DDX25: variants seen among roughly 807,000 people sequenced by gnomAD.
DDX25 encodes ATP-dependent RNA helicase DDX25.
A neutral mutation model predicts 64.6 loss-of-function variants in DDX25; 70 were observed. The ratio of observed to expected loss-of-function variants is 1.08; its 90% CI spans 0.89 to 1.32. The LOEUF is 1.32. Ranked by LOEUF, DDX25 falls within the 40% of genes most tolerant of loss-of-function variation. The pLI is 0.00. For synonymous variants in DDX25, 211 were observed against 213.3 expected (o/e 0.99, Z 0.09); for missense variants, 587 against 604.4 (o/e 0.97, Z 0.30).
rs960286700 is a variant in DDX25 at position 125,905,221 on chromosome 11, C to A, written c.73C>A (p.Leu25Ile). 2 of 1,551,612 alleles carry A rather than the reference C, an allele frequency of 1.3e-6. No homozygotes were observed. The highest frequency in any genetic ancestry group is 2.0e-5 in the Admixed American group (1 of 50,990). The change falls in exon 2 of 12, where the codon CTC becomes ATC. Residue 25 changes from leucine to isoleucine, a missense_variant. By Grantham distance (5) the Leu-to-Ile change is conservative (BLOSUM62 2). Coordinates refer to ENST00000263576, the MANE Select transcript of DDX25 (RefSeq NM_013264.5). ...SERLNSHFSNLSQPRKNLWGI... is the reference protein window; with the variant it reads ...SERLNSHFSNISQPRKNLWGI... The stretch of plus-strand genomic sequence containing the variant: ...TTGTGTCTCTCAATAGTTTTCAAAC[C>A]TCAGCCAACCCCGGAAGAACCTTTG...
intron 8 of DDX25, among the ~76,000 whole-genome samples, chr11:125,916,284 A>G (rs925336685): frequency 6.6e-6 from 1 of 152,232 alleles, no homozygotes; most frequent in Non-Finnish European, 1.5e-5. Context: ...TAAGTGTACC[A>G]TTGAGTGATT....
upstream of DDX25, among the ~76,000 whole-genome samples, chr11:125,903,863 G>A (rs1944834722): frequency 6.6e-6 from 1 of 152,180 alleles, no homozygotes; most frequent in African/African-American, 2.4e-5. Context: ...CATGTAGGAC[G>A]TAGAGGTTAT....
At chr11:125,903,502 A>C (rs1944829545), upstream of DDX25, 1 of 152,180 alleles carries the variant, frequency 6.6e-6, no homozygotes, top group South Asian at 2.1e-4. Context: ...TTTTATACCT[A>C]GTTAAATGAG....
At chr11:125,920,340 G>A (rs951053254) in intron 10 of DDX25, among the ~76,000 whole-genome samples, 2 of 152,070 alleles carry the variant, frequency 1.3e-5, no homozygotes, top group Non-Finnish European at 2.9e-5. Flanking sequence ...GGGAGGCTGA[G>A]ACAGGAGAAT....
At chr11:125,911,600 TA>T in intron 8 of DDX25, 112 bp downstream of exon 8, 1 of 1,115,136 alleles carries the variant, frequency 9.0e-7, no homozygotes, top group East Asian at 2.6e-5. Flanking sequence ...CCTTCACCTC[TA>T]AAATAAATTT....
chr11:125,905,921 T>C lies in DDX25; in HGVS notation c.176-153T>C, dbSNP rs986486669. On this transcript the variant is annotated intron_variant, in intron 3 of 11. Coordinates refer to ENST00000263576, the MANE Select transcript of DDX25 (RefSeq NM_013264.5). ...CTGAATCCTCATAAAGAACGAATCC[T>C]CAGTGCTATATCATTCTTTCTGGAA... The C allele has an allele frequency of 2.0e-5, 19 of 968,138 alleles. No individual in the cohort carries two copies. In the African/African-American group the frequency reaches 2.8e-4, roughly 14 times the overall value. 60.0% of individuals were successfully genotyped at this position (968,138 alleles called of 1,614,324 possible). A position where few individuals can be genotyped will look rare whatever the true frequency, so the allele number is the denominator to read the frequency against.
Position 125,910,206 on chromosome 11 carries a change from G to A in DDX25, c.508-158G>A, listed in dbSNP as rs529677368. On this transcript the variant is annotated intron_variant, in intron 6 of 11. Coordinates refer to ENST00000263576, the MANE Select transcript of DDX25 (RefSeq NM_013264.5). ...CATACTCAACATTCACCTCAAATCTGTCAACTATTAAACTGTATCCAATTA... is the reference window on the plus strand; with the variant it reads ...CATACTCAACATTCACCTCAAATCTATCAACTATTAAACTGTATCCAATTA... Among the ~76,000 whole-genome samples the A allele has an allele frequency of 9.3e-4, 142 of 152,150 alleles. No individual in the cohort carries two copies. The South Asian group carries it at 0.011, about 12-fold the overall frequency.
intron 4 of DDX25, among the ~76,000 whole-genome samples, chr11:125,907,563 G>A (rs1003661419): frequency 8.6e-5 from 13 of 151,856 alleles, no homozygotes; most frequent in Non-Finnish European, 1.8e-4. Flanking sequence ...AGCTGAGGTC[G>A]CGCCACTGCA....
chr11:125,913,377 A>G (rs1031106085), intron 8 of DDX25, among the ~76,000 whole-genome samples: 4 of 152,122 alleles, frequency 2.6e-5, no homozygotes, highest in African/African-American at 9.7e-5. Flanking sequence ...GAAAAACAAT[A>G]TAAAAGAGAT....
chr11:125,918,866 C>A, intron 10 of DDX25, 76 bp downstream of exon 10: 1 of 1,438,834 alleles, frequency 7.0e-7, no homozygotes, highest in Non-Finnish European at 9.3e-7. Context: ...TACAGTTTCG[C>A]GAGTTTCGAC....
Position 125,917,877 on chromosome 11 carries a change from G to T in DDX25, c.1038+626G>T, listed in dbSNP as rs1027370219. Among the ~76,000 whole-genome samples, 135 of 152,024 alleles carry T rather than the reference G, an allele frequency of 8.9e-4. 1 individual carries two copies. Among genetic ancestry groups the T allele is most frequent in the African/African-American group, 3.1e-3 (129 of 41,506 alleles). On this transcript the variant is annotated intron_variant, in intron 9 of 11. Coordinates refer to ENST00000263576, the MANE Select transcript of DDX25 (RefSeq NM_013264.5). ...TTTGTCTGTTTTTAATTTTTAATTT[G>T]TTTTATTTTTTATTTTTTTGTGACA...
Position 125,924,010 on chromosome 11 carries a change from G to C in DDX25, c.*1129G>C, listed in dbSNP as rs1301443047. ...TGGCTGGGCACAGTGGCTCACACCT[G>C]TAATCCTAGCACTTTGGGAGGCCAA... On this transcript the variant is annotated 3_prime_UTR_variant, in exon 12 of 12. Transcript: ENST00000263576. 1 of 152,282 alleles carries C rather than the reference G, an allele frequency of 6.6e-6. No individual in the cohort carries two copies. Among genetic ancestry groups the C allele is most frequent in the South Asian group, 2.1e-4 (1 of 4,826 alleles). 9.4% of individuals were successfully genotyped at this position (152,282 alleles called of 1,614,324 possible).
chr11:125,907,422 C>T (rs1032349228), intron 4 of DDX25, among the ~76,000 whole-genome samples: 13 of 152,228 alleles, frequency 8.5e-5, no homozygotes, highest in South Asian at 4.2e-4. Flanking sequence ...TCCTGGCTAA[C>T]ACAGTGAAAC....
rs961972396 is a variant in DDX25 at position 125,924,091 on chromosome 11, C to G, written c.*1210C>G. The stretch of plus-strand genomic sequence containing the variant: ...ACCAGCCTTACCAACATGGTGAAAC[C>G]CCTTCTCTACTAAAAATATAAAAAT... On this transcript the variant is annotated 3_prime_UTR_variant, in exon 12 of 12. Coordinates refer to ENST00000263576, the MANE Select transcript of DDX25 (RefSeq NM_013264.5). The G allele has an allele frequency of 6.6e-6, 1 of 152,134 alleles. No homozygotes were observed. The highest frequency in any genetic ancestry group is 2.4e-5 in the African/African-American group (1 of 41,406). 9.4% of individuals were successfully genotyped at this position (152,134 alleles called of 1,614,324 possible).
At position 125,921,281 on chromosome 11, in the gene DDX25, G is replaced by A. The variant is rs200623378; in HGVS notation, c.1292G>A (p.Arg431His). 3.1e-6 allele frequency: 5 copies of A among 1,612,986 alleles called. No homozygotes were observed. The highest frequency in any genetic ancestry group is 3.4e-6 in the Non-Finnish European group (4 of 1,179,570). ...CCGGACTATGAGACCTACCTCCACC[G>A]CATAGGGCGGACGGGGCGCTTTGGG... ...EEPDYETYLH[R>H]IGRTGRFGKK... Residue 431 changes from arginine to histidine, a missense_variant, in exon 11 of 12, where the codon CGC (arginine) becomes CAC (histidine). Arg to His is a conservative substitution (Grantham distance 29). Transcript: ENST00000263576. The surrounding 1 kb of genome is among the most constrained non-coding windows in gnomAD (Gnocchi z 4.1).
Position 125,921,484 on chromosome 11 carries a change from C to A in DDX25, c.1390+105C>A. 1 of 1,314,306 alleles carries A rather than the reference C, an allele frequency of 7.6e-7. No homozygotes were observed. Among genetic ancestry groups the A allele is most frequent in the Admixed American group, 2.6e-5 (1 of 37,774 alleles). 81.4% of individuals were successfully genotyped at this position (1,314,306 alleles called of 1,614,324 possible). On this transcript the variant is annotated intron_variant, in intron 11 of 11. Coordinates refer to ENST00000263576, the MANE Select transcript of DDX25 (RefSeq NM_013264.5). This position sits in a 1 kb window ranked among gnomAD's most constrained non-coding sequence, Gnocchi z 4.1. ...CAGGGGCTCATGAGAGTAGTAGAAG[C>A]AGAATGCATGAGCTGGAAGGCTTCT...
chr11:125,916,884 AGCTGGT>A, intron 8 of DDX25, 124 bp from the exon 9 acceptor site: 1 of 825,930 alleles, frequency 1.2e-6, no homozygotes, highest in Non-Finnish European at 1.9e-6. Flanking sequence ...CTGGAGATAC[AGCTGGT>A]CATTGCAGGC....
intron 1 of DDX25, 29 bp from the exon 2 acceptor site, chr11:125,905,183 T>C (rs1316656491): frequency 2.6e-6 from 4 of 1,550,066 alleles, no homozygotes; most frequent in Non-Finnish European, 3.5e-6. Context: ...TGCATCCTAA[T>C]ATTGGTTGAA....
At chr11:125,910,169 C>T (rs1212213383) in intron 6 of DDX25, among the ~76,000 whole-genome samples, 195 bp from the exon 7 acceptor site, 1 of 152,074 alleles carries the variant, frequency 6.6e-6, no homozygotes, top group African/African-American at 2.4e-5. Flanking sequence ...TTCCTTGGCC[C>T]CTTCCCCTTC....
Sources: gnomAD v4.1 joint callset for allele counts (sites outside exome capture counted in the v4.1 genomes callset) on GRCh38, gnomAD v4.1.1 for gene constraint, Gnocchi (gnomAD v3.1) non-coding constraint, MANE v1.5 for transcripts, NCBI Gene and HGNC (gene_info 2026-07-23, HGNC 2026-07-21) for gene names.